PDZRN4: variants seen among roughly 807,000 people sequenced by gnomAD.
PDZRN4 encodes PDZ domain-containing RING finger protein 4.
Under a neutral mutation model 99.0 loss-of-function variants are expected in PDZRN4, and 70 were observed. That is an observed-to-expected ratio of 0.71 (90% CI 0.58 to 0.86). The LOEUF (loss-of-function observed/expected upper bound fraction) is 0.86. Among genes scored for constraint, PDZRN4 ranks in the 40% least tolerant of loss-of-function variants. The probability of loss-of-function intolerance (pLI) is 0.00; values close to 1 mark genes in which losing one functional copy is unlikely to be tolerated. For synonymous variants in PDZRN4, 551 were observed against 501.6 expected (o/e 1.10, Z -1.32); for missense variants, 1,474 against 1,331.2 (o/e 1.11, Z -1.67).
chr12:41,463,863 G>A (rs535256279), intron 3 of PDZRN4, among the ~76,000 whole-genome samples: 1 of 152,138 alleles, frequency 6.6e-6, no homozygotes, highest in East Asian at 1.9e-4. Flanking sequence ...CCCTTCAGTA[G>A]TTAAAGGTCT....
intron 3 of PDZRN4, chr12:41,459,937 G>T (rs952730475): frequency 2.4e-6 from 3 of 1,264,656 alleles, no homozygotes; most frequent in Middle Eastern, 2.2e-4. Context: ...GAGAAAAAAT[G>T]ACCTTTGTTT....
At chr12:41,459,811 T>C in intron 3 of PDZRN4, 2 of 477,260 alleles carry the variant, frequency 4.2e-6, no homozygotes, top group South Asian at 4.3e-5. Context: ...GAAGACAGCA[T>C]AGCCCTGCAT....
At chr12:41,496,056 T>C (rs1279042297) in intron 3 of PDZRN4, among the ~76,000 whole-genome samples, 1 of 152,108 alleles carries the variant, frequency 6.6e-6, no homozygotes, top group Non-Finnish European at 1.5e-5. Flanking sequence ...CAGGTGCCTT[T>C]CCTTGCTCAG....
chr12:41,513,296 C>T (rs1257665014), intron 5 of PDZRN4, among the ~76,000 whole-genome samples: 1 of 151,942 alleles, frequency 6.6e-6, no homozygotes, highest in Admixed American at 6.6e-5. Context: ...GTGTTAGGAA[C>T]CTCTATGAAA....
At chr12:41,454,287 A>T (rs1049590720) in intron 3 of PDZRN4, among the ~76,000 whole-genome samples, 4 of 152,184 alleles carry the variant, frequency 2.6e-5, no homozygotes, top group Non-Finnish European at 5.9e-5. Flanking sequence ...TTAGGGGAAA[A>T]ATAAAGCCTG....
intron 8 of PDZRN4, among the ~76,000 whole-genome samples, chr12:41,564,446 C>A (rs1306599447): frequency 6.6e-6 from 1 of 152,180 alleles, no homozygotes; most frequent in Non-Finnish European, 1.5e-5. Context: ...GTCTATCTAT[C>A]TGTCAGTAGT....
intron 3 of PDZRN4, among the ~76,000 whole-genome samples, chr12:41,490,964 G>A (rs1026555334): frequency 6.6e-6 from 1 of 152,138 alleles, no homozygotes; most frequent in African/African-American, 2.4e-5. Flanking sequence ...AGACAGAGCA[G>A]AGGAGGCTTC....
At chr12:41,268,722 T>C (rs1951295632) in intron 3 of PDZRN4, among the ~76,000 whole-genome samples, 2 of 152,074 alleles carry the variant, frequency 1.3e-5, no homozygotes, top group Non-Finnish European at 2.9e-5. Context: ...AATTTTAGAG[T>C]CAGACTAATG....
intron 3 of PDZRN4, among the ~76,000 whole-genome samples, chr12:41,281,953 A>T (rs1446377156): frequency 6.6e-6 from 1 of 152,218 alleles, no homozygotes; most frequent in African/African-American, 2.4e-5. Context: ...AGTATGAAGA[A>T]ACTGCATCAT....
rs140207057 is a variant in PDZRN4 at position 41,285,774 on chromosome 12, T to A, written c.843+91586T>A. ...GAACAGAAAACCAAACACCGCATGT[T>A]CTCACTCATAAGTAGGAGTTGAACA... On this transcript the variant is annotated intron_variant, in intron 3 of 9. Transcript: ENST00000402685. Among the ~76,000 whole-genome samples, 51 of 152,046 alleles carry A rather than the reference T, an allele frequency of 3.4e-4. No individual in the cohort carries two copies. In the East Asian group the frequency reaches 9.1e-3, roughly 27 times the overall value.
chr12:41,437,525 A>G (rs960548514), intron 3 of PDZRN4, among the ~76,000 whole-genome samples: 28 of 152,158 alleles, frequency 1.8e-4, no homozygotes, highest in African/African-American at 6.5e-4. Flanking sequence ...ATTTTGTTTA[A>G]CCACACTACA....
At chr12:41,481,144 C>T (rs986791988) in intron 3 of PDZRN4, among the ~76,000 whole-genome samples, 3 of 151,992 alleles carry the variant, frequency 2.0e-5, no homozygotes, top group East Asian at 3.9e-4. Flanking sequence ...TCTCCTGTAG[C>T]GGTTGCTGCC....
chr12:41,524,229 C>T (rs1938534603), intron 5 of PDZRN4, among the ~76,000 whole-genome samples: 2 of 152,082 alleles, frequency 1.3e-5, no homozygotes, highest in Non-Finnish European at 2.9e-5. Context: ...AATGGAAAGA[C>T]ATCTCATGTT....
At chr12:41,460,294 TC>T (rs1208829982) in intron 3 of PDZRN4, among the ~76,000 whole-genome samples, 2 of 152,216 alleles carry the variant, frequency 1.3e-5, no homozygotes, top group African/African-American at 4.8e-5. Flanking sequence ...GATTAAAACT[TC>T]TAATTTTTCA....
intron 3 of PDZRN4, among the ~76,000 whole-genome samples, chr12:41,428,857 G>C (rs73276130): frequency 0.03 from 4,499 of 152,198 alleles, 214 homozygotes; most frequent in African/African-American, 0.1. Context: ...GCATAGGAGA[G>C]GATGAAATGA....
intron 3 of PDZRN4, among the ~76,000 whole-genome samples, chr12:41,197,916 C>T (rs2897226): frequency 3.4e-5 from 1 of 29,378 alleles, no homozygotes; most frequent in African/African-American, 1.4e-4. Flanking sequence ...CTTGTTTTTT[C>T]TGGGTTTTTT....
intron 3 of PDZRN4, among the ~76,000 whole-genome samples, chr12:41,377,905 A>G (rs1019952215): frequency 6.6e-6 from 1 of 152,192 alleles, no homozygotes; most frequent in Admixed American, 6.5e-5. Context: ...GGTTTTCTAC[A>G]TATAAGATCA....
intron 3 of PDZRN4, among the ~76,000 whole-genome samples, chr12:41,290,137 A>G (rs1951448150): frequency 6.6e-6 from 1 of 152,228 alleles, no homozygotes; most frequent in Non-Finnish European, 1.5e-5. Flanking sequence ...GCTTTGGAAC[A>G]GAATCCTCTT....
chr12:41,561,477 T>C (rs1388371534), intron 7 of PDZRN4, among the ~76,000 whole-genome samples: 1 of 151,160 alleles, frequency 6.6e-6, no homozygotes, highest in Non-Finnish European at 1.5e-5. Context: ...CATTTTAAGA[T>C]AGCAAACTTA....
Sources: allele counts gnomAD v4.1 joint callset (sites outside exome capture counted in the v4.1 genomes callset), GRCh38; gene constraint gnomAD v4.1.1; transcripts MANE v1.5; gene names NCBI Gene and HGNC (gene_info 2026-07-23, HGNC 2026-07-21).